The following ASB3 variants were observed in gnomAD, a reference collection of about 807,000 sequenced individuals.
ASB3 encodes the protein ankyrin repeat and SOCS box protein 3.
Under a neutral mutation model 54.5 loss-of-function variants are expected in ASB3, and 41 were observed. The observed-to-expected ratio is 0.75, with a 90% CI of 0.59 to 0.98. The LOEUF (loss-of-function observed/expected upper bound fraction) is 0.98. Ranked by LOEUF, ASB3 falls within the 50% of genes least tolerant of loss-of-function variation. ASB3 has a pLI of 0.00. For missense variants in ASB3, 733 were observed against 620.0 expected, an observed-to-expected ratio of 1.18 and a Z score of -1.94; for synonymous variants, 266 against 221.2, an observed-to-expected ratio of 1.20 and a Z score of -1.80.
intron 9 of ASB3, among the ~76,000 whole-genome samples, chr2:53,675,234 T>C (rs753434723): frequency 5.3e-5 from 8 of 152,162 alleles, no homozygotes; most frequent in Non-Finnish European, 1.0e-4. Context: ...GATCTCCAAA[T>C]GTTTTGATTA....
chr2:53,676,463 T>A (rs576803716), intron 9 of ASB3, among the ~76,000 whole-genome samples: 1 of 152,374 alleles, frequency 6.6e-6, no homozygotes, highest in African/African-American at 2.4e-5. Flanking sequence ...TGCGTAAGGA[T>A]ATTTTAGTAA....
At chr2:53,721,808 C>G (rs533103226) in intron 5 of ASB3, among the ~76,000 whole-genome samples, 10 of 151,746 alleles carry the variant, frequency 6.6e-5, no homozygotes, top group African/African-American at 2.4e-4. Flanking sequence ...ACAAACTAAC[C>G]CCAAAGCTAT....
At chr2:53,773,800 C>T (rs1236640784) in intron 1 of ASB3, among the ~76,000 whole-genome samples, 1 of 151,570 alleles carries the variant, frequency 6.6e-6, no homozygotes, top group Admixed American at 6.6e-5. Flanking sequence ...ACTGGGAGGC[C>T]GAGGCAGGTG....
At position 53,670,633 on chromosome 2, in the gene ASB3, G is replaced by C. The variant is rs1267838592; in HGVS notation, c.1427C>G (p.Ser476Ter). 1.2e-6 allele frequency: 2 copies of C among 1,613,912 alleles called. No homozygotes were observed. The highest frequency in any genetic ancestry group is 2.7e-5 in the African/African-American group (2 of 74,898). The stretch of plus-strand genomic sequence containing the variant: ...ATAACTGTCAGACCGTAGACGTTCT[G>C]ATTTTAGACTGGACCGAATTTCCAA... The part of the protein sequence containing the change: ...CRLEIRSSLK[S>*]ERLRSDSYIS... Residue 476 changes from serine (S) to a stop codon, truncating the protein, a stop_gained, in exon 10 of 10, where the codon TCA becomes TGA. Transcript: ENST00000263634. LOFTEE classifies it high-confidence loss of function.
intron 1 of ASB3, among the ~76,000 whole-genome samples, chr2:53,765,903 T>C (rs770252100): frequency 3.9e-5 from 4 of 103,280 alleles, no homozygotes; most frequent in Non-Finnish European, 8.1e-5. Context: ...CAACGCATTC[T>C]TTGGTGCTCC....
At chr2:53,775,946 A>G (rs937382461) in intron 1 of ASB3, among the ~76,000 whole-genome samples, 2 of 152,234 alleles carry the variant, frequency 1.3e-5, no homozygotes, top group South Asian at 4.1e-4. Flanking sequence ...CTCAACTAGG[A>G]AACAAGTTAT....
In ASB3 at chr2:53,716,731, T is replaced by C. The variant is rs141896262; in HGVS notation, c.617A>G (p.Asn206Ser). The C allele has an allele frequency of 3.0e-3, 4,897 of 1,612,694 alleles. 11 individuals carry two copies. Among genetic ancestry groups the C allele is most frequent in the Non-Finnish European group, 3.9e-3 (4,553 of 1,179,154 alleles). The change falls in exon 6 of 10, where the codon AAT becomes AGT. Residue 206 changes from asparagine (N) to serine (S), a missense_variant. Transcript: ENST00000263634. ...TGTAGCTTTGTCCAAGGCTTGACAA[T>C]TGACATTTGCACCTAAGGGTACAAA... Reference protein sequence around the residue: ...SILISSGANVNCQALDKATPL... With the variant: ...SILISSGANVSCQALDKATPL...
intron 1 of ASB3, among the ~76,000 whole-genome samples, chr2:53,766,477 A>T (rs1673463604): frequency 6.6e-6 from 1 of 152,186 alleles, no homozygotes. Context: ...GAATGCCCTT[A>T]TTCTTTTTTT....
intron 1 of ASB3, chr2:53,774,334 G>C: frequency 6.2e-7 from 1 of 1,613,578 alleles, no homozygotes; most frequent in East Asian, 2.2e-5. Flanking sequence ...TCTTGGTCCT[G>C]CACCTCTGGA....
chr2:53,725,078 G>C (rs1670919441), intron 5 of ASB3, among the ~76,000 whole-genome samples: 1 of 152,134 alleles, frequency 6.6e-6, no homozygotes, highest in Admixed American at 6.6e-5. Flanking sequence ...AAACACAGTA[G>C]ATGTACACCA....
chr2:53,778,653 T>C (rs1044916508), intron 1 of ASB3, among the ~76,000 whole-genome samples: 2 of 152,224 alleles, frequency 1.3e-5, no homozygotes, highest in Non-Finnish European at 2.9e-5. Flanking sequence ...CTGCTTGTAC[T>C]TGGCTTATCT....
At chr2:53,769,107 A>G (rs1558571937) in intron 1 of ASB3, among the ~76,000 whole-genome samples, 1 of 152,254 alleles carries the variant, frequency 6.6e-6, no homozygotes, top group Non-Finnish European at 1.5e-5. Flanking sequence ...GGCTTAGGAT[A>G]AATGCACATT....
intron 3 of ASB3, among the ~76,000 whole-genome samples, chr2:53,745,231 AAG>A (rs1276903536): frequency 1.3e-5 from 2 of 152,218 alleles, no homozygotes; most frequent in African/African-American, 4.8e-5. Flanking sequence ...GGGGAAGGGA[AAG>A]AGAGCAGGGG....
intron 9 of ASB3, among the ~76,000 whole-genome samples, chr2:53,693,210 A>G (rs1206850744): frequency 1.3e-5 from 2 of 152,194 alleles, no homozygotes; most frequent in African/African-American, 4.8e-5. Flanking sequence ...GAAAAAGTAA[A>G]TAGGGATACT....
intron 1 of ASB3, chr2:53,771,905 A>G: frequency 6.4e-7 from 1 of 1,561,040 alleles, no homozygotes; most frequent in Non-Finnish European, 8.7e-7. Context: ...TTTTTAAAAC[A>G]GCCTGGAAGA....
intron 2 of ASB3, among the ~76,000 whole-genome samples, chr2:53,758,510 G>A (rs1240623690): frequency 6.6e-6 from 1 of 152,178 alleles, no homozygotes; most frequent in African/African-American, 2.4e-5. Flanking sequence ...GGGCAGCTGG[G>A]TTGTTATAAA....
intron 3 of ASB3, among the ~76,000 whole-genome samples, chr2:53,732,959 T>C (rs943624943): frequency 4.6e-5 from 7 of 152,168 alleles, no homozygotes; most frequent in African/African-American, 1.4e-4. Context: ...ATGGTTTGCT[T>C]CCAAAAAGGC....
At chr2:53,732,556 T>TA (rs970659388) in intron 3 of ASB3, among the ~76,000 whole-genome samples, 7 of 152,148 alleles carry the variant, frequency 4.6e-5, no homozygotes, top group African/African-American at 1.4e-4. Context: ...TTATAAAAAT[T>TA]AAAGTCAAAA....
intron 1 of ASB3, chr2:53,771,994 G>C (rs370016839): frequency 9.7e-7 from 1 of 1,028,476 alleles, no homozygotes; most frequent in Non-Finnish European, 1.4e-6. Flanking sequence ...AAAATGTTGC[G>C]ATGTTTCTGT....
Sources: allele counts gnomAD v4.1 joint callset (sites outside exome capture counted in the v4.1 genomes callset), GRCh38; gene constraint gnomAD v4.1.1; transcripts MANE v1.5; gene names NCBI Gene and HGNC (gene_info 2026-07-23, HGNC 2026-07-21).